The following NCALD variants were observed in gnomAD, a reference collection of about 807,000 sequenced individuals.
NCALD encodes the protein neurocalcin delta.
Under a neutral mutation model 18.6 loss-of-function variants are expected in NCALD, and 10 were observed. The ratio of observed to expected loss-of-function variants is 0.54; its 90% CI spans 0.33 to 0.91. The LOEUF (loss-of-function observed/expected upper bound fraction) is 0.91. NCALD is among the 40% of genes least tolerant of loss of function. NCALD has a pLI of 0.03. For missense variants in NCALD, 184 were observed against 247.6 expected, an observed-to-expected ratio of 0.74 and a Z score of 1.72; for synonymous variants, 88 against 87.4, an observed-to-expected ratio of 1.01 and a Z score of -0.04.
rs761750779 is a variant in NCALD at position 101,954,057 on chromosome 8, G to GGCTTAGC, written c.-156-38206_-156-38200dup. Among the ~76,000 whole-genome samples the GGCTTAGC allele has an allele frequency of 3.0e-4, 46 of 152,204 alleles. 1 individual carries two copies. Among genetic ancestry groups the GGCTTAGC allele is most frequent in the Non-Finnish European group, 6.6e-4 (45 of 68,044 alleles). The stretch of plus-strand genomic sequence containing the variant: ...AGAGACACAGTCCTGGCCTTCTAAG[G>GGCTTAGC]GCTTAGCATCCAGCCGACATGGCAG... On this transcript the variant is annotated intron_variant, in intron 2 of 6. Transcript: ENST00000311028.
intron 2 of NCALD, among the ~76,000 whole-genome samples, chr8:101,987,284 G>A (rs1018666787): frequency 1.3e-5 from 2 of 152,180 alleles, no homozygotes; most frequent in African/African-American, 4.8e-5. Flanking sequence ...GTGCACGTTT[G>A]ATTAATGTTT....
intron 3 of NCALD, among the ~76,000 whole-genome samples, chr8:101,891,940 G>T (rs2131513300): frequency 6.6e-6 from 1 of 152,320 alleles, no homozygotes; most frequent in East Asian, 1.9e-4. Flanking sequence ...TGGGGGAGGG[G>T]CGCCCGCAAT....
chr8:101,745,484 C>A (rs949431170), intron 1 of NCALD, among the ~76,000 whole-genome samples: 1 of 152,172 alleles, frequency 6.6e-6, no homozygotes, highest in South Asian at 2.1e-4. Context: ...GAATATTGCA[C>A]GGTGGTCTTT....
intron 1 of NCALD, among the ~76,000 whole-genome samples, chr8:102,072,650 C>G (rs1002208828): frequency 6.6e-6 from 1 of 152,102 alleles, no homozygotes; most frequent in African/African-American, 2.4e-5. Context: ...GCTTTATGCA[C>G]TTTGGGAAAT....
At position 101,772,884 on chromosome 8, in the gene NCALD, C is replaced by G. The variant is rs756966000; in HGVS notation, c.-20+17978G>C. Among the ~76,000 whole-genome samples, 39 of 152,124 alleles carry G rather than the reference C, an allele frequency of 2.6e-4. 1 individual carries two copies. Among genetic ancestry groups the G allele is most frequent in the Non-Finnish European group, 4.7e-4 (32 of 68,014 alleles). On this transcript the variant is annotated intron_variant, in intron 1 of 3. Coordinates refer to ENST00000220931, the MANE Select transcript of NCALD (RefSeq NM_032041.3). ...CAAAGGAGAGGGTCATGGTCCATCC[C>G]CATTTTAATAGAGAGAATTTAATGG...
intron 1 of NCALD, among the ~76,000 whole-genome samples, chr8:101,772,128 T>C (rs1811608364): frequency 6.6e-6 from 1 of 152,178 alleles, no homozygotes; most frequent in Non-Finnish European, 1.5e-5. Context: ...TGGCAAAAAC[T>C]GTAGGAGTTG....
chr8:101,849,114 C>A (rs1485836988), intron 4 of NCALD, among the ~76,000 whole-genome samples: 1 of 152,134 alleles, frequency 6.6e-6, no homozygotes, highest in East Asian at 1.9e-4. Context: ...GAACAGAAAA[C>A]CAAACACTGC....
At chr8:102,074,263 G>A (rs1824272622) in intron 1 of NCALD, among the ~76,000 whole-genome samples, 1 of 152,192 alleles carries the variant, frequency 6.6e-6, no homozygotes, top group Non-Finnish European at 1.5e-5. Context: ...ATCAACATCT[G>A]CTCTCATTTT....
chr8:102,104,295 G>A (rs752004528), intron 1 of NCALD, among the ~76,000 whole-genome samples: 1 of 152,096 alleles, frequency 6.6e-6, no homozygotes, highest in Non-Finnish European at 1.5e-5. Flanking sequence ...TTTACACAAA[G>A]CCTGTATGTA....
chr8:102,085,785 A>G (rs887266392), intron 1 of NCALD, among the ~76,000 whole-genome samples: 3 of 151,970 alleles, frequency 2.0e-5, no homozygotes, highest in Non-Finnish European at 2.9e-5. Flanking sequence ...AGTGGCACCA[A>G]TATTTGAGCC....
At chr8:101,980,812 A>G (rs1039956151) in intron 2 of NCALD, among the ~76,000 whole-genome samples, 14 of 152,220 alleles carry the variant, frequency 9.2e-5, no homozygotes, top group Non-Finnish European at 1.9e-4. Context: ...TGTACCATCC[A>G]GATTGCATAG....
At chr8:101,712,889 G>A (rs1175144169) in intron 2 of NCALD, among the ~76,000 whole-genome samples, 1 of 152,026 alleles carries the variant, frequency 6.6e-6, no homozygotes, top group Admixed American at 6.6e-5. Flanking sequence ...AAATTAACCA[G>A]GATATTCAGG....
chr8:101,893,032 G>C (rs922880309), intron 3 of NCALD, among the ~76,000 whole-genome samples: 2 of 149,220 alleles, frequency 1.3e-5, no homozygotes, highest in African/African-American at 5.1e-5. Flanking sequence ...GATACTCCTC[G>C]AGAAGAGCAA....
chr8:101,934,071 G>A (rs1818670578), intron 2 of NCALD, among the ~76,000 whole-genome samples: 1 of 152,210 alleles, frequency 6.6e-6, no homozygotes, highest in South Asian at 2.1e-4. Context: ...GTTAGATGAT[G>A]AAGAGGATTA....
chr8:101,719,670 T>C (rs759493885), intron 1 of NCALD, 22 bp from the exon 2 acceptor site: 1 of 1,527,308 alleles, frequency 6.5e-7, no homozygotes, highest in Non-Finnish European at 8.7e-7. Context: ...AAAGAAAACA[T>C]ATATAATTTG....
intron 1 of NCALD, among the ~76,000 whole-genome samples, chr8:101,765,098 G>T (rs1016019024): frequency 6.6e-6 from 1 of 152,154 alleles, no homozygotes; most frequent in African/African-American, 2.4e-5. Flanking sequence ...TCCTTCTGTG[G>T]CCCCAACCTT....
intron 1 of NCALD, among the ~76,000 whole-genome samples, chr8:102,106,374 GAAC>G (rs1254114116): frequency 6.6e-6 from 1 of 150,970 alleles, no homozygotes; most frequent in Non-Finnish European, 1.5e-5. Flanking sequence ...ATACCTGGCG[GAAC>G]AACAATTTTC....
At chr8:102,046,226 GA>G (rs971594902) in intron 1 of NCALD, among the ~76,000 whole-genome samples, 13 of 152,238 alleles carry the variant, frequency 8.5e-5, no homozygotes, top group African/African-American at 3.1e-4. Context: ...GGTCCCACTA[GA>G]AAAAAACTCA....
intron 2 of NCALD, among the ~76,000 whole-genome samples, chr8:102,018,395 A>T (rs553057370): frequency 1.3e-5 from 2 of 152,324 alleles, no homozygotes; most frequent in East Asian, 3.9e-4. Context: ...CACACAATGG[A>T]ATTCTTCTAC....
Sources: gnomAD v4.1 joint callset for allele counts (sites outside exome capture counted in the v4.1 genomes callset) on GRCh38, gnomAD v4.1.1 for gene constraint, MANE v1.5 for transcripts, NCBI Gene and HGNC (gene_info 2026-07-23, HGNC 2026-07-21) for gene names.